Variants in EDNRB observed in about 807,000 individuals in gnomAD.
EDNRB encodes the protein endothelin receptor type B, also known as Hirschsprung disease 2.
A neutral mutation model predicts 46.4 loss-of-function variants in EDNRB; 18 were observed. The observed-to-expected ratio is 0.39, with a 90% CI of 0.27 to 0.57. EDNRB has a LOEUF of 0.57. EDNRB is among the 20% of genes least tolerant of loss of function. The probability of loss-of-function intolerance (pLI) is 0.61; values close to 1 mark genes in which losing one functional copy is unlikely to be tolerated. For synonymous variants in EDNRB, 213 were observed against 204.9 expected, an observed-to-expected ratio of 1.04 and a Z score of -0.34; for missense variants, 434 against 537.5, an observed-to-expected ratio of 0.81 and a Z score of 1.90.
intron 1 of EDNRB, among the ~76,000 whole-genome samples, chr13:77,910,672 T>C (rs962508533): frequency 2.6e-5 from 4 of 152,014 alleles, no homozygotes; most frequent in African/African-American, 9.7e-5. Context: ...GTTAGAAATA[T>C]GTGGGTCAGA....
chr13:77,905,380 T>C (rs1245812650), intron 1 of EDNRB, among the ~76,000 whole-genome samples: 1 of 152,018 alleles, frequency 6.6e-6, no homozygotes, highest in Non-Finnish European at 1.5e-5. Flanking sequence ...AACTCTCATA[T>C]AACATTGTAT....
upstream of EDNRB, among the ~76,000 whole-genome samples, chr13:77,921,177 C>G (rs1880076818): frequency 6.6e-6 from 1 of 152,152 alleles, no homozygotes; most frequent in Non-Finnish European, 1.5e-5. Context: ...GTTATATGTT[C>G]TTTCTGCACC....
At chr13:77,929,782 G>C (rs1880337663) in intron 1 of EDNRB, among the ~76,000 whole-genome samples, 1 of 152,142 alleles carries the variant, frequency 6.6e-6, no homozygotes. Flanking sequence ...TACCTGAGAA[G>C]CCTTATGCAA....
At chr13:77,919,038 A>T, upstream of EDNRB, 1 of 604,250 alleles carries the variant, frequency 1.7e-6, no homozygotes, top group Non-Finnish European at 2.3e-6. Context: ...CAAGCTCTGC[A>T]TTTTGCCCCG....
At chr13:77,928,139 A>T (rs1358633780) in intron 1 of EDNRB, among the ~76,000 whole-genome samples, 2 of 152,220 alleles carry the variant, frequency 1.3e-5, no homozygotes, top group African/African-American at 4.8e-5. Context: ...GAACAGACTA[A>T]TACAGGTACA....
At chr13:77,960,437 T>G (rs1881370327) in intron 1 of EDNRB, among the ~76,000 whole-genome samples, 1 of 152,072 alleles carries the variant, frequency 6.6e-6, no homozygotes. Flanking sequence ...CCAGCCAAAC[T>G]AAGCTTCATA....
At chr13:77,932,542 A>T (rs1324308263) in intron 1 of EDNRB, among the ~76,000 whole-genome samples, 1 of 152,206 alleles carries the variant, frequency 6.6e-6, no homozygotes, top group Non-Finnish European at 1.5e-5. Flanking sequence ...ACTGAGGCTC[A>T]GAGAAGCCTG....
At chr13:77,930,136 G>T (rs1880352027) in intron 1 of EDNRB, among the ~76,000 whole-genome samples, 1 of 152,138 alleles carries the variant, frequency 6.6e-6, no homozygotes, top group Non-Finnish European at 1.5e-5. Flanking sequence ...AACTATACGA[G>T]GAGCAGGAAA....
chr13:77,918,780 T>C lies in EDNRB; in HGVS notation c.-207A>G. 1.5e-6 allele frequency: 2 copies of C among 1,326,472 alleles called. No homozygotes were observed. Among genetic ancestry groups the C allele is most frequent in the Non-Finnish European group, 1.9e-6 (2 of 1,044,060 alleles). 82.2% of individuals were successfully genotyped at this position (1,326,472 alleles called of 1,614,324 possible). ...CAGTGGGAAACTTGGCGCTCATGAC[T>C]CGCCAGCGCGGGTCGAAACTCCTTC... On this transcript the variant is annotated 5_prime_UTR_variant, in exon 1 of 7. Transcript: ENST00000646607. The surrounding 1 kb of genome is among the most constrained non-coding windows in gnomAD (Gnocchi z 4.5).
At chr13:77,927,415 G>A (rs1348563831) in intron 1 of EDNRB, among the ~76,000 whole-genome samples, 1 of 152,190 alleles carries the variant, frequency 6.6e-6, no homozygotes, top group Admixed American at 6.5e-5. Context: ...TGAGGTTGAG[G>A]AAGTCTGTGT....
In EDNRB at chr13:77,918,249, A is replaced by T; in HGVS notation, c.325T>A (p.Cys109Ser). 1 of 1,614,134 alleles carries T rather than the reference A, an allele frequency of 6.2e-7. No homozygotes were observed. Among genetic ancestry groups the T allele is most frequent in the Non-Finnish European group, 8.5e-7 (1 of 1,180,024 alleles). Residue 109 changes from cysteine to serine, a missense_variant, in exon 1 of 7, where the codon TGC becomes AGC. Physicochemically the swap from Cys to Ser is moderately radical, Grantham distance 112 (BLOSUM62 -1). Coordinates refer to ENST00000646607, the MANE Select transcript of EDNRB (RefSeq NM_001122659.3). The surrounding 1 kb of genome is among the most constrained non-coding windows in gnomAD (Gnocchi z 4.5). The stretch of plus-strand genomic sequence containing the variant: ...ATGATCCCCAGCACGAACACAAGGC[A>T]GGACACAACCGTGTTGATGTATTTG... ...TFKYINTVVS[C>S]LVFVLGIIGN...
rs104894391 is a variant in EDNRB at position 77,903,356 on chromosome 13, G to T, written c.601C>A (p.Arg201=). ...ATTCTACTCCAAGAAGCAACAGCTC[G>T]ATATCTGAAGATAAAAATAGAATTG... is the stretch of plus-strand genomic sequence containing the variant. The part of the protein sequence containing the change: ...SLCALSIDRY[R]AVASWSRIKG... The change falls in exon 3 of 7, where the codon CGA becomes AGA. Residue 201 remains arginine, a synonymous_variant. Transcript: ENST00000646607. 9 of 1,612,592 alleles carry T rather than the reference G, an allele frequency of 5.6e-6. No homozygotes were observed. Among genetic ancestry groups the T allele is most frequent in the African/African-American group, 1.3e-5 (1 of 74,720 alleles).
chr13:77,962,422 C>T (rs866350456), intron 1 of EDNRB, among the ~76,000 whole-genome samples: 30 of 152,066 alleles, frequency 2.0e-4, no homozygotes, highest in African/African-American at 7.2e-4. Flanking sequence ...ACATGAAAAA[C>T]CTTATTGACC....
chr13:77,936,061 G>A (rs914904482), intron 1 of EDNRB, among the ~76,000 whole-genome samples: 16 of 152,286 alleles, frequency 1.1e-4, no homozygotes, highest in Non-Finnish European at 2.1e-4. Context: ...AGCATGCTGT[G>A]GGATGGGATA....
intron 1 of EDNRB, among the ~76,000 whole-genome samples, chr13:77,967,147 A>G (rs1003098398): frequency 2.6e-5 from 4 of 152,206 alleles, no homozygotes; most frequent in African/African-American, 7.2e-5. Flanking sequence ...ATCTGTTAAT[A>G]TAATTTTGGA....
intron 1 of EDNRB, among the ~76,000 whole-genome samples, chr13:77,957,193 G>A (rs990274602): frequency 6.6e-6 from 1 of 152,176 alleles, no homozygotes; most frequent in Admixed American, 6.5e-5. Flanking sequence ...TGTAGAAATT[G>A]AGTCACTGTC....
chr13:77,939,840 A>G (rs1880685788), intron 1 of EDNRB: 1 of 152,054 alleles, frequency 6.6e-6, no homozygotes, highest in African/African-American at 2.4e-5. Context: ...CACTAAAAAT[A>G]CAAAAATTAG....
intron 1 of EDNRB, among the ~76,000 whole-genome samples, chr13:77,953,553 T>C (rs1361923956): frequency 1.3e-5 from 2 of 152,132 alleles, no homozygotes; most frequent in African/African-American, 4.8e-5. Context: ...GGCTTTCTAC[T>C]ATCTGTTGGG....
At chr13:77,936,240 G>A (rs1245691804) in intron 1 of EDNRB, among the ~76,000 whole-genome samples, 9 of 152,152 alleles carry the variant, frequency 5.9e-5, no homozygotes, top group Non-Finnish European at 4.4e-5. Context: ...CGGCAATGAG[G>A]TGTGGCTGTA....
Sources: allele counts gnomAD v4.1 joint callset (sites outside exome capture counted in the v4.1 genomes callset), GRCh38; gene constraint gnomAD v4.1.1; non-coding constraint Gnocchi (gnomAD v3.1); transcripts MANE v1.5; gene names NCBI Gene and HGNC (gene_info 2026-07-23, HGNC 2026-07-21).